OXTR: variants seen among roughly 807,000 people sequenced by gnomAD.
OXTR encodes oxytocin receptor.
In OXTR, 19 loss-of-function variants were observed where a neutral mutation model predicts 23.9. The observed-to-expected ratio is 0.80, with a 90% CI of 0.56 to 1.17. OXTR has a LOEUF of 1.17. OXTR is among the 50% of genes most tolerant of loss of function. The probability of loss-of-function intolerance (pLI) is 0.00; values close to 1 mark genes in which losing one functional copy is unlikely to be tolerated. For missense variants in OXTR, 500 were observed against 550.7 expected (o/e 0.91, Z 0.92); for synonymous variants, 278 against 250.5 (o/e 1.11, Z -1.04).
rs1031901090 is a variant in OXTR, at chr3:8,768,717, C to T, written c.-238-126G>A. ...CCCAGGCTCCGACCCTCAGCATATCCACCTGCCGCGGGACCCCCAAACCAG... is the reference window on the plus strand; with the variant it reads ...CCCAGGCTCCGACCCTCAGCATATCTACCTGCCGCGGGACCCCCAAACCAG... On this transcript the variant is annotated intron_variant, in intron 1 of 3. Transcript: ENST00000316793. This position sits in a 1 kb window ranked among gnomAD's most constrained non-coding sequence, Gnocchi z 5.4. 6.5e-6 allele frequency: 1 copy of T among 152,690 alleles called. No individual in the cohort carries two copies. Among genetic ancestry groups the T allele is most frequent in the African/African-American group, 2.4e-5 (1 of 41,482 alleles). The allele number at this position is 152,690 out of a possible 1,614,324, so 9.5% of individuals were successfully genotyped here. A position where few individuals can be genotyped will look rare whatever the true frequency, so the allele number is the denominator to read the frequency against.
downstream of OXTR, chr3:8,745,621 C>A (rs1311744888): frequency 6.2e-7 from 1 of 1,614,130 alleles, no homozygotes; most frequent in South Asian, 1.1e-5. The surrounding 1 kb of genome is among the most constrained non-coding windows in gnomAD (Gnocchi z 4.8). Context: ...TCTCCAAGTA[C>A]TGGTGCTACC....
At chr3:8,762,623 G>A (rs1213746432) in intron 3 of OXTR, among the ~76,000 whole-genome samples, 1 of 152,164 alleles carries the variant, frequency 6.6e-6, no homozygotes, top group African/African-American at 2.4e-5. Flanking sequence ...CAAGGGGCCT[G>A]GTCCCCCACA....
the OXTR span, among the ~76,000 whole-genome samples, chr3:8,742,291 C>G: frequency 6.7e-6 from 1 of 149,990 alleles, no homozygotes; most frequent in East Asian, 1.9e-4. Context: ...GCACTTGCCC[C>G]ACACACAGCA....
the OXTR span, among the ~76,000 whole-genome samples, chr3:8,744,635 G>A: frequency 6.6e-6 from 1 of 152,036 alleles, no homozygotes; most frequent in Admixed American, 6.5e-5. Flanking sequence ...TAGGCAGCTA[G>A]GAAGGTGCTT....
chr3:8,767,197 G>A (rs1708625547), intron 3 of OXTR, 69 bp downstream of exon 3: 4 of 1,444,056 alleles, frequency 2.8e-6, no homozygotes, highest in African/African-American at 2.9e-5. Flanking sequence ...TGGACATTCT[G>A]AGGCAGCAAG....
At chr3:8,759,479 C>G (rs1049381594) in intron 3 of OXTR, among the ~76,000 whole-genome samples, 8 of 152,204 alleles carry the variant, frequency 5.3e-5, no homozygotes, top group African/African-American at 7.2e-5. Context: ...CAATAAGGAG[C>G]TGAATTGGAC....
chr3:8,766,703 A>G lies in OXTR; in HGVS notation c.922+563T>C, dbSNP rs551614975. Among the ~76,000 whole-genome samples, 5 of 150,432 alleles carry G rather than the reference A, an allele frequency of 3.3e-5. No homozygotes were observed. In the East Asian group the frequency reaches 7.8e-4, roughly 23 times the overall value. On this transcript the variant is annotated intron_variant, in intron 3 of 3. Coordinates refer to ENST00000316793, the MANE Select transcript of OXTR (RefSeq NM_000916.4). ...CTCCCTTGGACTCCTCTGCCCCCCAACACCCCCTTCAACTACTAGGTGCTT... is the reference window on the plus strand; with the variant it reads ...CTCCCTTGGACTCCTCTGCCCCCCAGCACCCCCTTCAACTACTAGGTGCTT...
the OXTR span, among the ~76,000 whole-genome samples, chr3:8,742,804 T>G: frequency 6.6e-6 from 1 of 152,128 alleles, no homozygotes; most frequent in African/African-American, 2.4e-5. Flanking sequence ...GATAGGTGGA[T>G]AGATGGATAG....
chr3:8,741,833 C>T, the OXTR span, among the ~76,000 whole-genome samples: 1 of 152,202 alleles, frequency 6.6e-6, no homozygotes, highest in Non-Finnish European at 1.5e-5. Flanking sequence ...CTTCCCCGCC[C>T]TCTCAGAGAC....
In OXTR at chr3:8,753,078, G is replaced by T. The variant is rs747266977; in HGVS notation, c.1069C>A (p.Leu357Met). 1.9e-6 allele frequency: 3 copies of T among 1,614,054 alleles called. No individual in the cohort carries two copies. Among genetic ancestry groups the T allele is most frequent in the Admixed American group, 1.7e-5 (1 of 60,010 alleles). ...TTTTTGCTGGCACTCGTCTCTCCCA[G>T]GCGTCTGCCCTTCAGGTAGCTGGCG... ...CSASYLKGRR[L>M]GETSASKKSN... is the part of the protein sequence containing the mutation. Residue 357 changes from leucine to methionine, a missense_variant, in exon 4 of 4, where the codon CTG (leucine) becomes ATG (methionine). Coordinates refer to ENST00000316793, the MANE Select transcript of OXTR (RefSeq NM_000916.4).
chr3:8,763,154 C>G (rs1708526145), intron 3 of OXTR, among the ~76,000 whole-genome samples: 1 of 152,178 alleles, frequency 6.6e-6, no homozygotes, highest in South Asian at 2.1e-4. Flanking sequence ...CCTTAACAAG[C>G]TTCTCTCCCA....
chr3:8,766,958 C>G (rs1414364483), intron 3 of OXTR, among the ~76,000 whole-genome samples: 1 of 152,188 alleles, frequency 6.6e-6, no homozygotes, highest in Non-Finnish European at 1.5e-5. Context: ...GTAAACCATA[C>G]AGCCCATATG....
At chr3:8,763,906 T>G (rs976844995) in intron 3 of OXTR, among the ~76,000 whole-genome samples, 1 of 151,528 alleles carries the variant, frequency 6.6e-6, no homozygotes, top group African/African-American at 2.4e-5. Context: ...ATTGTAATAG[T>G]TTTTTTTCCT....
rs533785089 is a variant in OXTR at position 8,759,536 on chromosome 3, G to A, written c.923-6312C>T. On this transcript the variant is annotated intron_variant, in intron 3 of 3. Transcript: ENST00000316793. ...AAGAGGTCCTGATAAATCAGCCACC[G>A]CTGTCAGTATGTTGGAAGGGCTACA... Among the ~76,000 whole-genome samples the A allele has an allele frequency of 7.2e-5, 11 of 152,356 alleles. No individual in the cohort carries two copies. The East Asian group carries it at 9.6e-4, about 13-fold the overall frequency.
At chr3:8,755,037 A>T (rs1241124566) in intron 3 of OXTR, among the ~76,000 whole-genome samples, 2 of 152,224 alleles carry the variant, frequency 1.3e-5, no homozygotes, top group East Asian at 3.8e-4. Flanking sequence ...TTTGTTAAGA[A>T]ATTTGCTTTG....
At chr3:8,762,136 C>T (rs1157235364) in intron 3 of OXTR, among the ~76,000 whole-genome samples, 1 of 152,168 alleles carries the variant, frequency 6.6e-6, no homozygotes, top group Non-Finnish European at 1.5e-5. Flanking sequence ...CCAGCCTCCA[C>T]AGACAGTGTG....
At chr3:8,765,638 G>T (rs916490575) in intron 3 of OXTR, among the ~76,000 whole-genome samples, 3 of 152,178 alleles carry the variant, frequency 2.0e-5, no homozygotes, top group Non-Finnish European at 4.4e-5. Flanking sequence ...GATCTGCCCA[G>T]GAAACAGGTG....
intron 3 of OXTR, among the ~76,000 whole-genome samples, chr3:8,756,845 C>G (rs907567899): frequency 6.6e-6 from 1 of 152,220 alleles, no homozygotes; most frequent in Non-Finnish European, 1.5e-5. Flanking sequence ...CCCAAGCTCC[C>G]GGTGAGACTG....
intron 3 of OXTR, among the ~76,000 whole-genome samples, chr3:8,760,360 T>C (rs2268494): frequency 6.6e-6 from 1 of 152,114 alleles, no homozygotes; most frequent in African/African-American, 2.4e-5. Context: ...GGTCCCACAT[T>C]TATGCATGTC....
Sources: gnomAD v4.1 joint callset for allele counts (sites outside exome capture counted in the v4.1 genomes callset) on GRCh38, gnomAD v4.1.1 for gene constraint, Gnocchi (gnomAD v3.1) non-coding constraint, MANE v1.5 for transcripts, NCBI Gene and HGNC (gene_info 2026-07-23, HGNC 2026-07-21) for gene names.